The following C4orf50 variants were observed in gnomAD, a reference collection of about 807,000 sequenced individuals.
C4orf50 encodes the protein chromosome 4 open reading frame 50, also known as uncharacterized protein C4orf50.
In C4orf50, 80 loss-of-function variants were observed where a neutral mutation model predicts 77.2. The ratio of observed to expected loss-of-function variants is 1.04; its 90% confidence interval spans 0.87 to 1.25. The LOEUF is 1.25. Ranked by LOEUF, C4orf50 falls within the 50% of genes most tolerant of loss-of-function variation. The pLI is 0.00. For missense variants in C4orf50, 1,257 were observed against 1,152.9 expected, an observed-to-expected ratio of 1.09 and a Z score of -1.31; for synonymous variants, 532 against 465.3, an observed-to-expected ratio of 1.14 and a Z score of -1.84.
At chr4:5,990,373 C>T (rs976947483) in exon 28 of C4orf50, 25 of 467,232 alleles carry the variant, frequency 5.4e-5, no homozygotes, top group Non-Finnish European at 7.3e-5. Flanking sequence ...CTCTTCAGTT[C>T]TCCCCGCAAG....
chr4:5,961,681 C>T (rs1237874982), intron 33 of C4orf50, among the ~76,000 whole-genome samples: 1 of 152,170 alleles, frequency 6.6e-6, no homozygotes, highest in African/African-American at 2.4e-5. Flanking sequence ...GACAGCTGAA[C>T]CCAGGGATGT....
downstream of C4orf50, chr4:5,957,108 G>C (rs990751806): frequency 1.3e-5 from 2 of 152,258 alleles, no homozygotes; most frequent in African/African-American, 4.8e-5. Context: ...AGAATAAGTG[G>C]CTCTGCCTTG....
rs1322296840 is a variant in C4orf50 at position 5,905,870 on chromosome 4, G to A, written c.*2475-7682C>T. Among the ~76,000 whole-genome samples the A allele has an allele frequency of 6.7e-6, 1 of 150,266 alleles. No homozygotes were observed. Among genetic ancestry groups the A allele is most frequent in the East Asian group, 2.0e-4 (1 of 5,126 alleles). On this transcript the variant is annotated intron_variant, in intron 7 of 7. Coordinates refer to the C4orf50 transcript ENST00000324058. The surrounding 1 kb of genome is among the most constrained non-coding windows in gnomAD (Gnocchi z 5.4). ...GTCATTTGTTCGTCCAACAAAAAGT[G>A]ATGGGACACCTGCTGTGTGGTAATC...
Position 5,989,169 on chromosome 4 carries a change from G to A in C4orf50, c.2877C>T (p.Cys959=), listed in dbSNP as rs771845184. The change falls in exon 28 of 34, where the codon TGC becomes TGT. Residue 959 remains cysteine, a synonymous_variant. Coordinates refer to ENST00000531445, the Ensembl canonical transcript of C4orf50. ...CTCTCTCTCTCTCTCTTTCAAGGGC[G>A]CACACTCTTTCATGGAACCTCTCTT... 87 of 1,535,680 alleles carry A rather than the reference G, an allele frequency of 5.7e-5. 1 individual carries two copies. In the East Asian group the frequency reaches 8.1e-4, roughly 14 times the overall value.
intron 7 of C4orf50, among the ~76,000 whole-genome samples, chr4:5,925,124 G>A (rs1011546654): frequency 1.3e-5 from 2 of 152,188 alleles, no homozygotes; most frequent in Non-Finnish European, 2.9e-5. Context: ...TGGGTTGGGA[G>A]GGAGAGGCCA....
At chr4:5,909,104 C>A (rs1308832540) in intron 7 of C4orf50, among the ~76,000 whole-genome samples, 2 of 152,196 alleles carry the variant, frequency 1.3e-5, no homozygotes, top group African/African-American at 4.8e-5. Context: ...TACTACATGT[C>A]TTTCTCTGCT....
intron 32 of C4orf50, among the ~76,000 whole-genome samples, chr4:5,965,968 C>T (rs575302126): frequency 3.3e-5 from 5 of 152,248 alleles, no homozygotes; most frequent in East Asian, 1.9e-4. Context: ...ACCATCCAGA[C>T]GTTCTACACG....
intron 33 of C4orf50, among the ~76,000 whole-genome samples, chr4:5,961,341 T>A (rs1437906253): frequency 1.3e-5 from 2 of 152,174 alleles, no homozygotes; most frequent in Admixed American, 1.3e-4. Flanking sequence ...ATAATAATGA[T>A]AAGGATAGTT....
intron 7 of C4orf50, among the ~76,000 whole-genome samples, chr4:5,907,361 A>T (rs1245724226): frequency 6.6e-6 from 1 of 152,236 alleles, no homozygotes; most frequent in Non-Finnish European, 1.5e-5. Context: ...CATCAAAAAA[A>T]ATCACAGGAA....
exon 28 of C4orf50, chr4:5,989,748 T>C: frequency 6.5e-7 from 1 of 1,534,428 alleles, no homozygotes; most frequent in Non-Finnish European, 8.7e-7. Context: ...GTGGCAAACC[T>C]GTCTCTCCTG....
rs1218457676 is a variant in C4orf50 at position 6,011,801 on chromosome 4, A to C, written c.426+29T>G. On this transcript the variant is annotated intron_variant, in intron 24 of 33. Transcript: ENST00000531445. The surrounding 1 kb of genome is among the most constrained non-coding windows in gnomAD (Gnocchi z 4.2). ...CCCACGGCTCTGCTGGACAGGAAACAGGGCCTGGAAAGGAGAAGGAAACGG... is the reference window on the plus strand; with the variant it reads ...CCCACGGCTCTGCTGGACAGGAAACCGGGCCTGGAAAGGAGAAGGAAACGG... 2.5e-6 allele frequency: 1 copy of C among 398,968 alleles called. No homozygotes were observed. The highest frequency in any genetic ancestry group is 4.4e-6 in the Non-Finnish European group (1 of 226,128). The allele number at this position is 398,968 out of a possible 1,614,324, so 24.7% of individuals were successfully genotyped here. A position where few individuals can be genotyped will look rare whatever the true frequency, so the allele number is the denominator to read the frequency against.
rs149603429 is a variant in C4orf50, at chr4:5,959,604, G to T, written c.4298C>A (p.Thr1433Lys). ...TGCCAGGCACGTTCCAGGATCAAGCGTGGACACCAAGGACAGAGGGAGCTG... is the reference window on the plus strand; with the variant it reads ...TGCCAGGCACGTTCCAGGATCAAGCTTGGACACCAAGGACAGAGGGAGCTG... Residue 1433 changes from threonine (T) to lysine (K), a missense_variant, in exon 34 of 34, where the codon ACG becomes AAG. Thr to Lys is a moderately conservative substitution (Grantham distance 78). Coordinates refer to ENST00000531445, the Ensembl canonical transcript of C4orf50. The T allele has an allele frequency of 1.2e-6, 2 of 1,614,052 alleles. 1 individual carries two copies. The highest frequency in any genetic ancestry group is 4.5e-5 in the East Asian group (2 of 44,870).
In C4orf50 at chr4:5,913,954, T is replaced by C. The variant is rs770166731; in HGVS notation, c.*2475-15766A>G. Among the ~76,000 whole-genome samples the C allele has an allele frequency of 1.9e-4, 29 of 152,152 alleles. 1 individual carries two copies. Among genetic ancestry groups the C allele is most frequent in the Non-Finnish European group, 3.5e-4 (24 of 68,034 alleles). ...GAAGACAAAGATTTATAGACAATGA[T>C]AGTCATCTCATTACCCCGGCAGCCC... On this transcript the variant is annotated intron_variant, in intron 7 of 7. Transcript: ENST00000324058.
intron 7 of C4orf50, among the ~76,000 whole-genome samples, chr4:5,923,592 T>C (rs911764512): frequency 1.3e-5 from 2 of 151,594 alleles, no homozygotes; most frequent in Admixed American, 6.6e-5. Flanking sequence ...GGGGTAGGGA[T>C]GGAGGGGAGA....
At chr4:5,997,328 G>A (rs753962031) in intron 25 of C4orf50, among the ~76,000 whole-genome samples, 8 of 152,338 alleles carry the variant, frequency 5.3e-5, no homozygotes, top group Non-Finnish European at 7.3e-5. Flanking sequence ...ACACGGCCAC[G>A]TATAAACATA....
chr4:6,001,789 G>T (rs1403418561), intron 25 of C4orf50, among the ~76,000 whole-genome samples: 1 of 152,262 alleles, frequency 6.6e-6, no homozygotes, highest in African/African-American at 2.4e-5. Context: ...TGTTTTGGCT[G>T]AAGTAAATGA....
At chr4:5,960,954 C>T (rs1715680675) in intron 33 of C4orf50, among the ~76,000 whole-genome samples, 1 of 152,102 alleles carries the variant, frequency 6.6e-6, no homozygotes, top group Admixed American at 6.6e-5. Flanking sequence ...TCGAGACCAG[C>T]CTGGCCAACA....
chr4:6,012,774 C>T (rs1417790868), intron 23 of C4orf50, among the ~76,000 whole-genome samples: 1 of 152,214 alleles, frequency 6.6e-6, no homozygotes, highest in Non-Finnish European at 1.5e-5. Flanking sequence ...AAAGCCCAGG[C>T]TCCCAGACCC....
In C4orf50 at chr4:6,004,271, ATGG is replaced by A. The variant is rs1333753180; in HGVS notation, c.963+3722_963+3724del. On this transcript the variant is annotated intron_variant, in intron 25 of 33. Coordinates refer to ENST00000531445, the Ensembl canonical transcript of C4orf50. ...GATGATGGTGATGGTGATGGTGGTG[ATGG>A]TGATGGTGATGTTGGTGATGATGGT... Among the ~76,000 whole-genome samples the A allele has an allele frequency of 1.2e-3, 69 of 57,950 alleles. 5 individuals carry two copies. The highest frequency in any genetic ancestry group is 5.3e-3 in the East Asian group (3 of 568). 38.0% of individuals were successfully genotyped at this position (57,950 alleles called of 152,430 possible). A position where few individuals can be genotyped will look rare whatever the true frequency, so the allele number is the denominator to read the frequency against.
Sources: gnomAD v4.1 joint callset for allele counts (sites outside exome capture counted in the v4.1 genomes callset) on GRCh38, gnomAD v4.1.1 for gene constraint, Gnocchi (gnomAD v3.1) non-coding constraint, MANE v1.5 for transcripts, NCBI Gene and HGNC (gene_info 2026-07-23, HGNC 2026-07-21) for gene names.